Variants in ZNF91 observed in about 807,000 individuals in gnomAD.
ZNF91 encodes the protein zinc finger protein 91.
In ZNF91, 7 loss-of-function variants were observed where a neutral mutation model predicts 12.6. That is an observed-to-expected ratio of 0.55 (90% confidence interval 0.31 to 1.04). The LOEUF is 1.04. ZNF91 is among the 50% of genes least tolerant of loss of function. The pLI, the probability that ZNF91 is intolerant of heterozygous loss-of-function variation, is 0.05. For missense variants in ZNF91, 1,217 were observed against 1,385.4 expected, an observed-to-expected ratio of 0.88 and a Z score of 1.93; for synonymous variants, 453 against 462.6, an observed-to-expected ratio of 0.98 and a Z score of 0.27.
chr19:23,309,713 G>T (rs1368023981), intron 1 of ZNF91, among the ~76,000 whole-genome samples: 1 of 152,164 alleles, frequency 6.6e-6, no homozygotes, highest in Non-Finnish European at 1.5e-5. Flanking sequence ...AATACTGTCT[G>T]TCATAGCTAG....
At chr19:23,330,376 C>T (rs1410199995) in intron 1 of ZNF91, among the ~76,000 whole-genome samples, 4 of 151,960 alleles carry the variant, frequency 2.6e-5, no homozygotes, top group Non-Finnish European at 5.9e-5. Context: ...TACCATCTCA[C>T]ATGAAAGTCT....
intron 1 of ZNF91, among the ~76,000 whole-genome samples, chr19:23,330,168 T>C (rs1418546898): frequency 1.3e-5 from 2 of 151,928 alleles, no homozygotes; most frequent in Non-Finnish European, 2.9e-5. Flanking sequence ...TCGCCTCTAC[T>C]AAATATATAA....
chr19:23,311,534 G>A (rs1967471740), upstream of ZNF91, among the ~76,000 whole-genome samples: 1 of 151,992 alleles, frequency 6.6e-6, no homozygotes, highest in South Asian at 2.1e-4. Flanking sequence ...CTGGGCCCTG[G>A]ATATTTAGGG....
chr19:23,373,596 G>GCTTATATAAATTA, intron 3 of ZNF91, 146 bp downstream of exon 3: 1 of 523,620 alleles, frequency 1.9e-6, no homozygotes, highest in Middle Eastern at 2.9e-4. Flanking sequence ...ATTAACAGAA[G>GCTTATATAAATTA]TGATAGCATA....
At position 23,358,041 on chromosome 19, in the gene ZNF91, A is replaced by C. The variant is rs1209317967; in HGVS notation, c.*1362T>G. 1 of 152,146 alleles carries C rather than the reference A, an allele frequency of 6.6e-6. No individual in the cohort carries two copies. The highest frequency in any genetic ancestry group is 2.4e-5 in the African/African-American group (1 of 41,432). The allele number at this position is 152,146 out of a possible 1,614,324, so 9.4% of individuals were successfully genotyped here. Reference sequence around the variant, plus strand: ...TAATGGCAATTAAAACTCACTGGCAAAAAAAATCACTAGAGATGTCAGTCC... The same window carrying C: ...TAATGGCAATTAAAACTCACTGGCACAAAAAATCACTAGAGATGTCAGTCC... On this transcript the variant is annotated 3_prime_UTR_variant, in exon 4 of 4. Transcript: ENST00000300619.
At chr19:23,335,144 T>C (rs1010762630), downstream of ZNF91, among the ~76,000 whole-genome samples, 1 of 152,162 alleles carries the variant, frequency 6.6e-6, no homozygotes, top group Non-Finnish European at 1.5e-5. Context: ...GCAACAGATA[T>C]TGCAGAACAG....
At chr19:23,394,318 CAA>C (rs1357345184) in intron 1 of ZNF91, among the ~76,000 whole-genome samples, 4 of 152,170 alleles carry the variant, frequency 2.6e-5, no homozygotes, top group African/African-American at 9.6e-5. Flanking sequence ...AATCTAAACT[CAA>C]GAGCATTTTT....
intron 1 of ZNF91, chr19:23,384,732 A>G: frequency 1.6e-6 from 1 of 613,934 alleles, no homozygotes. Flanking sequence ...TTTTACCTGG[A>G]AACTAGGAGA....
Position 23,391,701 on chromosome 19 carries a change from C to T in ZNF91, c.30+3624G>A, listed in dbSNP as rs111365087. 2.6e-5 allele frequency among the ~76,000 whole-genome samples: 4 copies of T among 152,132 alleles called. No homozygotes were observed. The East Asian group carries it at 5.8e-4, about 22-fold the overall frequency. On this transcript the variant is annotated intron_variant, in intron 1 of 3. Coordinates refer to ENST00000300619, the MANE Select transcript of ZNF91 (RefSeq NM_003430.4). ...TTTATATTAATCTTAACTGCATCTG[C>T]GTGTGGGTTGCCAGCTTTCCAGGGC...
At chr19:23,379,957 C>A (rs1374387916) in intron 1 of ZNF91, among the ~76,000 whole-genome samples, 3 of 152,014 alleles carry the variant, frequency 2.0e-5, no homozygotes, top group Non-Finnish European at 4.4e-5. Context: ...TTTAGTGTCA[C>A]ATCAAAGAGT....
chr19:23,394,267 G>T (rs1970159098), intron 1 of ZNF91, among the ~76,000 whole-genome samples: 1 of 152,168 alleles, frequency 6.6e-6, no homozygotes, highest in African/African-American at 2.4e-5. Context: ...CAATTAGATT[G>T]AGGTGGCTCT....
chr19:23,363,918 C>A (rs1968904329), intron 3 of ZNF91, among the ~76,000 whole-genome samples: 1 of 151,790 alleles, frequency 6.6e-6, no homozygotes, highest in Admixed American at 6.6e-5. Flanking sequence ...TAAAGAAGCT[C>A]AACAAACTAG....
chr19:23,312,730 A>C (rs1212916562), upstream of ZNF91, among the ~76,000 whole-genome samples: 2 of 152,224 alleles, frequency 1.3e-5, no homozygotes, highest in African/African-American at 4.8e-5. Context: ...TTAAGGCCAC[A>C]GGTACAATCA....
At position 23,362,726 on chromosome 19, in the gene ZNF91, C is replaced by G. The variant is rs369523805; in HGVS notation, c.254-1G>C. ...TCTTGAGGAAAATGAGGACATATAC[C>G]TGAAAAAAAAAAACTAAAAATAATA... On this transcript the variant is annotated splice_acceptor_variant, in intron 3 of 3. Transcript: ENST00000300619. LOFTEE classifies it high-confidence loss of function. 7.0e-7 allele frequency: 1 copy of G among 1,438,498 alleles called. No homozygotes were observed. The highest frequency in any genetic ancestry group is 9.1e-7 in the Non-Finnish European group (1 of 1,095,318). 89.1% of individuals were successfully genotyped at this position (1,438,498 alleles called of 1,614,324 possible).
intron 3 of ZNF91, among the ~76,000 whole-genome samples, chr19:23,342,847 T>A (rs1304994855): frequency 3.3e-5 from 5 of 151,960 alleles, no homozygotes; most frequent in African/African-American, 4.8e-5. Flanking sequence ...ACATTCCCAC[T>A]CCTCTTGAGA....
At chr19:23,315,783 C>G (rs1967547660) in intron 1 of ZNF91, among the ~76,000 whole-genome samples, 1 of 152,174 alleles carries the variant, frequency 6.6e-6, no homozygotes, top group African/African-American at 2.4e-5. Flanking sequence ...TTCTTGTCCC[C>G]TCACCAAGGT....
At chr19:23,323,716 TC>T (rs1459676724) in intron 1 of ZNF91, among the ~76,000 whole-genome samples, 90 of 135,700 alleles carry the variant, frequency 6.6e-4, no homozygotes, top group African/African-American at 2.2e-3. Flanking sequence ...CTCCTTCTTT[TC>T]TTCTACGCCT....
upstream of ZNF91, among the ~76,000 whole-genome samples, chr19:23,311,198 G>T (rs1259174138): frequency 2.0e-5 from 3 of 152,062 alleles, no homozygotes; most frequent in Admixed American, 6.5e-5. Flanking sequence ...GCTGGACCAA[G>T]CATTTAGGTG....
intron 1 of ZNF91, among the ~76,000 whole-genome samples, chr19:23,381,437 T>C (rs1333545460): frequency 6.6e-6 from 1 of 151,480 alleles, no homozygotes; most frequent in Non-Finnish European, 1.5e-5. Context: ...TTTCAGTTTA[T>C]AAACTGAACT....
Sources: allele counts gnomAD v4.1 joint callset (sites outside exome capture counted in the v4.1 genomes callset), GRCh38; gene constraint gnomAD v4.1.1; transcripts MANE v1.5; gene names NCBI Gene and HGNC (gene_info 2026-07-23, HGNC 2026-07-21).